The following FBXO42 variants were observed in gnomAD, a reference collection of about 807,000 sequenced individuals.
FBXO42 encodes F-box only protein 42.
A neutral mutation model predicts 71.7 loss-of-function variants in FBXO42; 12 were observed. That is an observed-to-expected ratio of 0.17 (90% CI 0.11 to 0.27). The LOEUF (loss-of-function observed/expected upper bound fraction) is 0.27, where lower values mean the gene tolerates loss of function less well. Ranked by LOEUF, FBXO42 falls within the 10% of genes least tolerant of loss-of-function variation. The pLI is 1.00. For missense variants in FBXO42, 707 were observed against 911.9 expected (o/e 0.78, Z 2.89); for synonymous variants, 325 against 327.5 (o/e 0.99, Z 0.08).
intron 4 of FBXO42, among the ~76,000 whole-genome samples, chr1:16,271,148 G>T (rs544354733): frequency 6.6e-6 from 1 of 152,126 alleles, no homozygotes; most frequent in African/African-American, 2.4e-5. Context: ...TACAGTGAGG[G>T]ACAGGAATGC....
At position 16,252,827 on chromosome 1, in the gene FBXO42, A is replaced by G. The variant is rs548308610; in HGVS notation, c.921+269T>C. 1.3e-5 allele frequency among the ~76,000 whole-genome samples: 2 copies of G among 152,314 alleles called. No homozygotes were observed. The highest frequency in any genetic ancestry group is 3.9e-4 in the East Asian group (2 of 5,188). ...CCCTTTGAAAATATGATAGCAGTAA[A>G]CTTTATAGCCTAAAAAGGAAATAGG... is the stretch of plus-strand genomic sequence containing the variant. On this transcript the variant is annotated intron_variant, in intron 8 of 9. Transcript: ENST00000375592. This position sits in a 1 kb window ranked among gnomAD's most constrained non-coding sequence, Gnocchi z 4.4.
rs60328879 is a variant in FBXO42 at position 16,337,883 on chromosome 1, C to CAAAAAA, written c.-18+14366_-18+14371dup. ...TGGGAGAAAGAGCGAGACTCCGTCT[C>CAAAAAA]AAAAAAAAAAAAAAAAAAAAAAAAA... On this transcript the variant is annotated intron_variant, in intron 1 of 9. Coordinates refer to ENST00000375592, the MANE Select transcript of FBXO42 (RefSeq NM_018994.3). Among the ~76,000 whole-genome samples, 115 of 38,854 alleles carry CAAAAAA rather than the reference C, an allele frequency of 3.0e-3. 5 individuals carry two copies. Among genetic ancestry groups the CAAAAAA allele is most frequent in the Admixed American group, 4.0e-3 (8 of 2,018 alleles). The allele number at this position is 38,854 out of a possible 152,430, so 25.5% of individuals were successfully genotyped here. A position where few individuals can be genotyped will look rare whatever the true frequency, so the allele number is the denominator to read the frequency against.
intron 1 of FBXO42, among the ~76,000 whole-genome samples, chr1:16,320,646 C>A (rs1432640345): frequency 6.6e-6 from 1 of 150,926 alleles, no homozygotes; most frequent in South Asian, 2.1e-4. Flanking sequence ...TGGCGCACAT[C>A]ACTATGCCCA....
intron 1 of FBXO42, among the ~76,000 whole-genome samples, chr1:16,319,196 T>C (rs1293589830): frequency 6.6e-6 from 1 of 152,092 alleles, no homozygotes; most frequent in African/African-American, 2.4e-5. Context: ...AAATATACTT[T>C]GGGGCTTTGA....
rs536884162 is a variant in FBXO42 at position 16,302,411 on chromosome 1, C to G, written c.367+3392G>C. On this transcript the variant is annotated intron_variant, in intron 3 of 9. Transcript: ENST00000375592. ...TTAACTGACTCACAGTTCCACATGG[C>G]TGGAGAGGCCTCAGGAAACTTACAT... Among the ~76,000 whole-genome samples the G allele has an allele frequency of 1.6e-3, 249 of 152,298 alleles. 2 individuals are homozygous for G. Among genetic ancestry groups the G allele is most frequent in the African/African-American group, 4.2e-3 (173 of 41,572 alleles).
intron 1 of FBXO42, among the ~76,000 whole-genome samples, chr1:16,346,397 A>C (rs2082654406): frequency 6.6e-6 from 1 of 152,130 alleles, no homozygotes. Context: ...TTATTACTAG[A>C]AAATAAGAGA....
chr1:16,276,224 C>T (rs1007253307), intron 4 of FBXO42, among the ~76,000 whole-genome samples: 1 of 151,322 alleles, frequency 6.6e-6, no homozygotes, highest in African/African-American at 2.4e-5. Flanking sequence ...ACTAAAAATA[C>T]AAAAAATTAG....
intron 4 of FBXO42, among the ~76,000 whole-genome samples, chr1:16,289,117 G>C (rs1369297504): frequency 6.6e-6 from 1 of 151,350 alleles, no homozygotes; most frequent in Non-Finnish European, 1.5e-5. Flanking sequence ...TTGAGGCAGG[G>C]AAGGGCAGTG....
At chr1:16,342,602 A>C (rs1293640228) in intron 1 of FBXO42, among the ~76,000 whole-genome samples, 1 of 143,036 alleles carries the variant, frequency 7.0e-6, no homozygotes, top group African/African-American at 2.5e-5. Flanking sequence ...AAAAAAAGTT[A>C]TAGTAATACC....
rs1278513112 is a variant in FBXO42 at position 16,246,908 on chromosome 1, T to C, written c.*3762A>G. ...ATCAGGGGAAAACATTAACAAAAAA[T>C]GAAATTGACAGATTTAAATATCAAT... On this transcript the variant is annotated 3_prime_UTR_variant, in exon 10 of 10. Transcript: ENST00000375592. 6.6e-5 allele frequency: 10 copies of C among 152,232 alleles called. No individual in the cohort carries two copies. The highest frequency in any genetic ancestry group is 4.6e-4 in the Admixed American group (7 of 15,284). 9.4% of individuals were successfully genotyped at this position (152,232 alleles called of 1,614,324 possible).
intron 4 of FBXO42, among the ~76,000 whole-genome samples, chr1:16,258,782 G>A (rs1472573684): frequency 6.6e-6 from 1 of 152,024 alleles, no homozygotes; most frequent in African/African-American, 2.4e-5. Context: ...TGTCACCCAG[G>A]CTAGAGTGCA....
At chr1:16,308,499 T>C (rs1569897208) in intron 2 of FBXO42, among the ~76,000 whole-genome samples, 2 of 142,936 alleles carry the variant, frequency 1.4e-5, no homozygotes. Context: ...TCTCTCTTTT[T>C]TTTTTTTTTT....
chr1:16,341,952 CAA>C (rs2082609008), intron 1 of FBXO42, among the ~76,000 whole-genome samples: 1 of 127,238 alleles, frequency 7.9e-6, no homozygotes, highest in Admixed American at 8.6e-5. Context: ...GCCTGGGCAA[CAA>C]GAGAGAAATT....
Position 16,251,094 on chromosome 1 carries a change from A to G in FBXO42, c.1730T>C (p.Leu577Pro). 6.2e-7 allele frequency: 1 copy of G among 1,614,162 alleles called. No homozygotes were observed. The highest frequency in any genetic ancestry group is 8.5e-7 in the Non-Finnish European group (1 of 1,180,044). The stretch of plus-strand genomic sequence containing the variant: ...TGGAGAAGACCCAAGAGGAGGACTT[A>G]GTGCTGCAGAGGCCGAGGGGCCTTT... ...SSKGPSASAA[L>P]SPPLGSSPGS... Residue 577 changes from leucine to proline, a missense_variant, in exon 10 of 10, where the codon CTA becomes CCA. This residue lies in a region of FBXO42 where 482 missense variants were observed against 587.1 expected (regional missense o/e 0.82). Transcript: ENST00000375592. The surrounding 1 kb of genome is among the most constrained non-coding windows in gnomAD (Gnocchi z 4.5).
intron 1 of FBXO42, among the ~76,000 whole-genome samples, chr1:16,330,107 C>A (rs77200182): frequency 0.024 from 3,586 of 152,310 alleles, 141 homozygotes; most frequent in African/African-American, 0.081. Context: ...CACAATGTAG[C>A]TAGACACTAA....
chr1:16,251,585 G>C lies in FBXO42; in HGVS notation c.1239C>G (p.Pro413=), dbSNP rs780205016. 1 of 1,614,036 alleles carries C rather than the reference G, an allele frequency of 6.2e-7. No individual in the cohort carries two copies. Among genetic ancestry groups the C allele is most frequent in the African/African-American group, 1.3e-5 (1 of 74,926 alleles). ...CVNGRWGTLR[P]RAQRQTPSGS... is the part of the protein sequence containing the mutation. Reference sequence around the variant, plus strand: ...CTGAAGGAGTCTGCCTTTGAGCCCTGGGTCTCAGTGTTCCCCAGCGGCCGT... The same window carrying C: ...CTGAAGGAGTCTGCCTTTGAGCCCTCGGTCTCAGTGTTCCCCAGCGGCCGT... Residue 413 remains proline (P), a synonymous_variant, in exon 10 of 10, where the codon CCC becomes CCG. Coordinates refer to ENST00000375592, the MANE Select transcript of FBXO42 (RefSeq NM_018994.3). The surrounding 1 kb of genome is among the most constrained non-coding windows in gnomAD (Gnocchi z 4.5).
At position 16,294,897 on chromosome 1, in the gene FBXO42, T is replaced by C; in HGVS notation, c.388A>G (p.Asn130Asp). The C allele has an allele frequency of 6.2e-7, 1 of 1,611,082 alleles. No homozygotes were observed. Among genetic ancestry groups the C allele is most frequent in the Non-Finnish European group, 8.5e-7 (1 of 1,178,890 alleles). Residue 130 changes from asparagine to aspartate, a missense_variant, in exon 4 of 10, where the codon AAT (asparagine) becomes GAT (aspartate). This residue lies in a region of FBXO42 where 188 missense variants were observed against 230.5 expected (regional missense o/e 0.82). Coordinates refer to ENST00000375592, the MANE Select transcript of FBXO42 (RefSeq NM_018994.3). ...FSHSACYYDA[N>D]QSMYVFGGCT... ...CCTCCAAACACATACATAGACTGAT[T>C]AGCATCATAATAGCATGCACCTAGA...
chr1:16,268,149 T>C (rs1175228168), intron 4 of FBXO42, among the ~76,000 whole-genome samples: 1 of 152,144 alleles, frequency 6.6e-6, no homozygotes, highest in African/African-American at 2.4e-5. Context: ...GGGTACTCTT[T>C]CAAGTAGGGA....
In FBXO42 at chr1:16,252,599, C is replaced by T. The variant is rs1233536496; in HGVS notation, c.922-195G>A. Among the ~76,000 whole-genome samples the T allele has an allele frequency of 6.6e-6, 1 of 152,158 alleles. No homozygotes were observed. The highest frequency in any genetic ancestry group is 1.5e-5 in the Non-Finnish European group (1 of 68,034). On this transcript the variant is annotated intron_variant, in intron 8 of 9. Transcript: ENST00000375592. The surrounding 1 kb of genome is among the most constrained non-coding windows in gnomAD (Gnocchi z 4.4). ...ACGCTTTCATTCATTCATATATTAC[C>T]ACTGGCTTAGCACATGGAATTGTGC...
Sources: gnomAD v4.1 joint callset for allele counts (sites outside exome capture counted in the v4.1 genomes callset) on GRCh38, gnomAD v4.1.1 for gene constraint, gnomAD v4.1.1 regional missense constraint, Gnocchi (gnomAD v3.1) non-coding constraint, MANE v1.5 for transcripts, NCBI Gene and HGNC (gene_info 2026-07-23, HGNC 2026-07-21) for gene names.